The following RIT2 variants were observed in gnomAD, a reference collection of about 807,000 sequenced individuals.
RIT2 encodes the protein GTP-binding protein Rit2.
RIT2 carries 24 observed loss-of-function variants against 23.7 expected under a neutral mutation model. The ratio of observed to expected loss-of-function variants is 1.01; its 90% CI spans 0.73 to 1.43. The LOEUF is 1.43. Ranked by LOEUF, RIT2 falls within the 40% of genes most tolerant of loss-of-function variation. The pLI is 0.00. For missense variants in RIT2, 236 were observed against 266.9 expected (o/e 0.88, Z 0.81); for synonymous variants, 107 against 91.1 (o/e 1.17, Z -0.99).
chr18:42,946,415 T>C (rs955110755), intron 3 of RIT2, among the ~76,000 whole-genome samples: 4 of 152,086 alleles, frequency 2.6e-5, no homozygotes, highest in African/African-American at 4.8e-5. Flanking sequence ...AAAATTCTCG[T>C]GTTCAGGAGG....
At chr18:43,056,568 C>T (rs11660926) in intron 1 of RIT2, among the ~76,000 whole-genome samples, 23,216 of 152,020 alleles carry the variant, frequency 0.15, 1,900 homozygotes, top group South Asian at 0.21. Flanking sequence ...GTGTAAGTGG[C>T]GGCACTTATG....
chr18:42,974,158 C>A lies in RIT2; in HGVS notation c.161-11G>T. 6.3e-7 allele frequency: 1 copy of A among 1,591,534 alleles called. No homozygotes were observed. Among genetic ancestry groups the A allele is most frequent in the Non-Finnish European group, 8.6e-7 (1 of 1,161,436 alleles). Reference sequence around the variant, plus strand: ...TCTTATAAGCATCTTCTGAAAAACACAAGACAACATTTACATTTAAATGTG... The same window carrying A: ...TCTTATAAGCATCTTCTGAAAAACAAAAGACAACATTTACATTTAAATGTG... On this transcript the variant is annotated splice_polypyrimidine_tract_variant and intron_variant, in intron 2 of 4. Coordinates refer to ENST00000326695, the MANE Select transcript of RIT2 (RefSeq NM_002930.4).
chr18:43,102,321 T>C (rs12955281), intron 1 of RIT2, among the ~76,000 whole-genome samples: 49,613 of 152,036 alleles, frequency 0.33, 10,265 homozygotes, highest in Non-Finnish European at 0.47. Flanking sequence ...GTTATGTTAG[T>C]AAACATTCTG....
At chr18:42,793,966 C>T (rs1914098256) in intron 4 of RIT2, among the ~76,000 whole-genome samples, 1 of 152,102 alleles carries the variant, frequency 6.6e-6, no homozygotes, top group Non-Finnish European at 1.5e-5. Context: ...ATCCAAATCC[C>T]TTACAATTTC....
chr18:42,788,527 G>T (rs1913971453), intron 4 of RIT2, among the ~76,000 whole-genome samples: 1 of 152,088 alleles, frequency 6.6e-6, no homozygotes, highest in Non-Finnish European at 1.5e-5. Flanking sequence ...TTTGTCATTT[G>T]AAATCATGGT....
At chr18:43,034,304 C>T (rs1024387658) in intron 1 of RIT2, among the ~76,000 whole-genome samples, 4 of 152,034 alleles carry the variant, frequency 2.6e-5, no homozygotes, top group Non-Finnish European at 4.4e-5. Context: ...GAAGTTCTTA[C>T]GAACTATAAA....
intron 3 of RIT2, among the ~76,000 whole-genome samples, chr18:42,940,986 C>G (rs976236828): frequency 7.2e-5 from 11 of 152,196 alleles, no homozygotes; most frequent in African/African-American, 2.6e-4. Flanking sequence ...TAGTTGATAT[C>G]TTGGAAAATT....
In RIT2 at chr18:42,826,302, G is replaced by A. The variant is rs373230157; in HGVS notation, c.427-82582C>T. On this transcript the variant is annotated intron_variant, in intron 4 of 4. Coordinates refer to ENST00000326695, the MANE Select transcript of RIT2 (RefSeq NM_002930.4). ...AAGTAACTTTCCCAAGACCATTCACGTATTAAGTGGCATGGCCAGAATATG... is the reference window on the plus strand; with the variant it reads ...AAGTAACTTTCCCAAGACCATTCACATATTAAGTGGCATGGCCAGAATATG... 5.3e-4 allele frequency among the ~76,000 whole-genome samples: 80 copies of A among 152,148 alleles called. No homozygotes were observed. The South Asian group carries it at 0.014, about 28-fold the overall frequency.
At chr18:43,091,160 T>C (rs566324548) in intron 1 of RIT2, among the ~76,000 whole-genome samples, 2 of 151,804 alleles carry the variant, frequency 1.3e-5, no homozygotes, top group South Asian at 2.1e-4. Flanking sequence ...CATTTTAATA[T>C]ATATTATATA....
intron 1 of RIT2, among the ~76,000 whole-genome samples, chr18:43,079,605 G>A (rs552749041): frequency 6.6e-6 from 1 of 152,200 alleles, no homozygotes; most frequent in Admixed American, 6.5e-5. Flanking sequence ...TCCAAGCAAG[G>A]GAAACCTGAC....
At chr18:43,108,347 CGTGTGTGT>C (rs138256652) in intron 1 of RIT2, among the ~76,000 whole-genome samples, 1 of 149,198 alleles carries the variant, frequency 6.7e-6, no homozygotes, top group African/African-American at 2.5e-5. Flanking sequence ...GGCCATATTA[CGTGTGTGT>C]GTGTGTGTGT....
chr18:42,930,905 T>C (rs1909309048), intron 3 of RIT2, among the ~76,000 whole-genome samples: 1 of 152,142 alleles, frequency 6.6e-6, no homozygotes, highest in African/African-American at 2.4e-5. Context: ...GAGCTGGAGC[T>C]TTGCCTCCGT....
At chr18:43,026,323 A>G (rs1431491822) in intron 2 of RIT2, among the ~76,000 whole-genome samples, 1 of 152,066 alleles carries the variant, frequency 6.6e-6, no homozygotes, top group Non-Finnish European at 1.5e-5. Flanking sequence ...TGGGAAGCCA[A>G]CGCTGGTGGA....
At chr18:42,980,237 C>T (rs1048695224) in intron 2 of RIT2, among the ~76,000 whole-genome samples, 61 of 152,028 alleles carry the variant, frequency 4.0e-4, no homozygotes, top group African/African-American at 1.4e-3. Context: ...ACCACAAGGA[C>T]CTAAACCCTA....
chr18:42,960,578 G>A (rs531168208), intron 3 of RIT2, among the ~76,000 whole-genome samples: 1 of 152,226 alleles, frequency 6.6e-6, no homozygotes, highest in East Asian at 1.9e-4. Flanking sequence ...GCCTCCCAAA[G>A]TGCTGGGATT....
intron 4 of RIT2, among the ~76,000 whole-genome samples, chr18:42,857,379 C>A (rs184389490): frequency 4.2e-4 from 64 of 152,252 alleles, no homozygotes; most frequent in Middle Eastern, 3.4e-3. Flanking sequence ...TATATCAAAT[C>A]ACACATTTAT....
chr18:42,908,180 G>C (rs1908674087), intron 4 of RIT2, among the ~76,000 whole-genome samples: 1 of 150,374 alleles, frequency 6.7e-6, no homozygotes, highest in South Asian at 2.1e-4. Flanking sequence ...TAATAGTAGA[G>C]TGGAAAAGAC....
intron 4 of RIT2, among the ~76,000 whole-genome samples, chr18:42,899,707 T>C (rs1026438308): frequency 6.6e-6 from 1 of 152,080 alleles, no homozygotes; most frequent in African/African-American, 2.4e-5. Flanking sequence ...AAGATATAAA[T>C]GTGTAGCCTG....
chr18:42,777,778 T>C (rs1472069808), intron 4 of RIT2, among the ~76,000 whole-genome samples: 4 of 152,194 alleles, frequency 2.6e-5, no homozygotes, highest in Non-Finnish European at 5.9e-5. Flanking sequence ...AAGAGGCTAG[T>C]TGTTTTCTCC....
Sources: gnomAD v4.1 joint callset for allele counts (sites outside exome capture counted in the v4.1 genomes callset) on GRCh38, gnomAD v4.1.1 for gene constraint, MANE v1.5 for transcripts, NCBI Gene and HGNC (gene_info 2026-07-23, HGNC 2026-07-21) for gene names.